FGD5: variants seen among roughly 807,000 people sequenced by gnomAD.
FGD5 encodes FYVE, RhoGEF and PH domain-containing protein 5.
Under a neutral mutation model 133.4 loss-of-function variants are expected in FGD5, and 28 were observed. The ratio of observed to expected loss-of-function variants is 0.21; its 90% CI spans 0.16 to 0.29. The LOEUF is 0.29. Among genes scored for constraint, FGD5 ranks in the 10% least tolerant of loss-of-function variants. FGD5 has a pLI of 1.00. For synonymous variants in FGD5, 810 were observed against 776.5 expected, an observed-to-expected ratio of 1.04 and a Z score of -0.72; for missense variants, 1,858 against 1,895.2, an observed-to-expected ratio of 0.98 and a Z score of 0.36.
intron 11 of FGD5, among the ~76,000 whole-genome samples, chr3:14,911,653 T>C (rs987826575): frequency 2.8e-4 from 42 of 151,872 alleles, no homozygotes; most frequent in African/African-American, 1.0e-3. Flanking sequence ...ACTGAGCACC[T>C]CGTGTGTGCT....
intron 4 of FGD5, among the ~76,000 whole-genome samples, chr3:14,894,086 C>T (rs914547024): frequency 1.3e-5 from 2 of 152,096 alleles, no homozygotes; most frequent in African/African-American, 4.8e-5. Context: ...TGTATATCTG[C>T]ACCCATTAAT....
At chr3:14,832,993 G>A (rs142110407) in intron 1 of FGD5, among the ~76,000 whole-genome samples, 3 of 152,156 alleles carry the variant, frequency 2.0e-5, no homozygotes, top group Non-Finnish European at 2.9e-5. Flanking sequence ...TTTATTATCC[G>A]TGCTTATAAT....
chr3:14,906,336 A>G (rs1329443551), intron 9 of FGD5, among the ~76,000 whole-genome samples: 1 of 152,100 alleles, frequency 6.6e-6, no homozygotes, highest in Non-Finnish European at 1.5e-5. Flanking sequence ...CTGGCCTTAG[A>G]CAGGTTTCTG....
chr3:14,909,870 A>T (rs759359693), intron 10 of FGD5, among the ~76,000 whole-genome samples: 9 of 149,852 alleles, frequency 6.0e-5, no homozygotes, highest in Non-Finnish European at 1.2e-4. Context: ...GGTTCAAATG[A>T]TTCTTCTGCC....
At chr3:14,851,973 A>G (rs1005634089) in intron 1 of FGD5, among the ~76,000 whole-genome samples, 1 of 152,176 alleles carries the variant, frequency 6.6e-6, no homozygotes, top group African/African-American at 2.4e-5. Context: ...ACTGTAGAGA[A>G]ATTAGAACCC....
chr3:14,910,655 A>G (rs1045175053), intron 10 of FGD5, among the ~76,000 whole-genome samples: 1 of 152,216 alleles, frequency 6.6e-6, no homozygotes, highest in Non-Finnish European at 1.5e-5. Context: ...TAGCATATAC[A>G]GCACCTCTCT....
At chr3:14,874,059 A>G (rs993071814) in intron 2 of FGD5, among the ~76,000 whole-genome samples, 1 of 151,768 alleles carries the variant, frequency 6.6e-6, no homozygotes, top group African/African-American at 2.4e-5. Flanking sequence ...CGGTGAGTGG[A>G]TAAGGAAAAT....
chr3:14,862,953 A>G (rs1365187228), intron 1 of FGD5, among the ~76,000 whole-genome samples: 1 of 152,118 alleles, frequency 6.6e-6, no homozygotes, highest in Non-Finnish European at 1.5e-5. Context: ...TCTGGCTCCT[A>G]TGAAAGATAC....
intron 2 of FGD5, among the ~76,000 whole-genome samples, chr3:14,865,545 C>G (rs74462201): frequency 0.093 from 14,124 of 152,072 alleles, 824 homozygotes; most frequent in East Asian, 0.3. Context: ...CTCCCCACCC[C>G]CTTCCCCTCT....
chr3:14,817,776 C>G (rs1333673699), upstream of FGD5, among the ~76,000 whole-genome samples: 3 of 152,132 alleles, frequency 2.0e-5, no homozygotes, highest in African/African-American at 7.2e-5. Context: ...GAGATTAGAC[C>G]AGGCTGAAGG....
intron 4 of FGD5, among the ~76,000 whole-genome samples, chr3:14,889,240 T>C (rs926264063): frequency 9.2e-5 from 14 of 152,184 alleles, no homozygotes; most frequent in Non-Finnish European, 1.3e-4. Context: ...ATAGAACATT[T>C]CCATCATCCC....
In FGD5 at chr3:14,924,083, G is replaced by A. The variant is rs751590384; in HGVS notation, c.4013G>A (p.Ser1338Asn). 21 of 1,613,888 alleles carry A rather than the reference G, an allele frequency of 1.3e-5. No homozygotes were observed. Among genetic ancestry groups the A allele is most frequent in the Non-Finnish European group, 1.7e-6 (2 of 1,179,896 alleles). ...SGSAFSSVFQ[S>N]INPSTFKKQK... ...AGTGCCTTTTCATCCGTCTTCCAGA[G>A]CATTAACCCCTCGACCTTCAAGAAG... Residue 1338 changes from serine (S) to asparagine (N), a missense_variant, in exon 17 of 20, where the codon AGC becomes AAC. Around this residue, in one of 3 missense-constraint regions of FGD5, gnomAD observed 1,824 missense variants for 1,848.9 expected, o/e 0.99. Transcript: ENST00000285046.
chr3:14,834,916 G>A (rs1278514207), intron 1 of FGD5, among the ~76,000 whole-genome samples: 2 of 152,204 alleles, frequency 1.3e-5, no homozygotes, highest in African/African-American at 2.4e-5. Context: ...CCCGCGATCT[G>A]CCACTGCATT....
chr3:14,891,342 C>A (rs925557477), intron 4 of FGD5, among the ~76,000 whole-genome samples: 17 of 152,220 alleles, frequency 1.1e-4, no homozygotes, highest in African/African-American at 3.6e-4. Flanking sequence ...GCCCTACTCA[C>A]AACCCTCACC....
intron 17 of FGD5, among the ~76,000 whole-genome samples, chr3:14,924,962 T>C (rs1288034879): frequency 2.0e-5 from 3 of 151,922 alleles, no homozygotes; most frequent in South Asian, 2.1e-4. Context: ...CAGCCGGGTG[T>C]GGTGTCATGC....
chr3:14,911,878 G>C (rs1049858902), intron 11 of FGD5, among the ~76,000 whole-genome samples: 1 of 151,340 alleles, frequency 6.6e-6, no homozygotes, highest in Non-Finnish European at 1.5e-5. Context: ...TGGAGTGTCT[G>C]CTGGGTGCGC....
chr3:14,825,694 C>T (rs2036586895), intron 1 of FGD5, among the ~76,000 whole-genome samples: 1 of 152,036 alleles, frequency 6.6e-6, no homozygotes, highest in African/African-American at 2.4e-5. Flanking sequence ...TCTTTGTTCC[C>T]TGAATTGATG....
intron 1 of FGD5, among the ~76,000 whole-genome samples, chr3:14,848,463 T>C (rs1043204848): frequency 7.2e-5 from 11 of 151,944 alleles, no homozygotes; most frequent in African/African-American, 2.4e-4. Flanking sequence ...ACTGCCCTCA[T>C]GGAGTACAGA....
chr3:14,855,785 C>T lies in FGD5; in HGVS notation c.2526-8343C>T, dbSNP rs530141468. Among the ~76,000 whole-genome samples, 33 of 152,062 alleles carry T rather than the reference C, an allele frequency of 2.2e-4. No homozygotes were observed. The South Asian group carries it at 2.7e-3, about 12-fold the overall frequency. ...TCTATTCTGGATATTAATCCCCTGTCGGATGAGTAGTTTGCAGATATTTTC... is the reference window on the plus strand; with the variant it reads ...TCTATTCTGGATATTAATCCCCTGTTGGATGAGTAGTTTGCAGATATTTTC... On this transcript the variant is annotated intron_variant, in intron 1 of 19. Coordinates refer to ENST00000285046, the MANE Select transcript of FGD5 (RefSeq NM_152536.4).
Sources: gnomAD v4.1 joint callset for allele counts (sites outside exome capture counted in the v4.1 genomes callset) on GRCh38, gnomAD v4.1.1 for gene constraint, gnomAD v4.1.1 regional missense constraint, MANE v1.5 for transcripts, NCBI Gene and HGNC (gene_info 2026-07-23, HGNC 2026-07-21) for gene names.